The following SPMIP7 variants were observed in gnomAD, a reference collection of about 807,000 sequenced individuals.
The protein encoded by SPMIP7 is sperm microtubule inner protein 7.
the SPMIP7 span, among the ~76,000 whole-genome samples, chr7:50,112,520 A>C: frequency 3.4e-5 from 2 of 58,548 alleles, no homozygotes; most frequent in African/African-American, 1.1e-4. Flanking sequence ...CGAAAAGAAA[A>C]ATAAAAAAAT....
chr7:50,156,038 C>G, the SPMIP7 span, among the ~76,000 whole-genome samples: 12 of 152,184 alleles, frequency 7.9e-5, no homozygotes, highest in Middle Eastern at 3.2e-3. Context: ...GCCTTCTCCC[C>G]TAACAGCAGC....
the SPMIP7 span, among the ~76,000 whole-genome samples, chr7:50,113,263 C>T: frequency 2.0e-5 from 3 of 152,060 alleles, no homozygotes; most frequent in Non-Finnish European, 4.4e-5. Context: ...CAGCAACCAA[C>T]CAACAACTTA....
the SPMIP7 span, among the ~76,000 whole-genome samples, chr7:50,158,160 C>T: frequency 6.6e-6 from 1 of 151,514 alleles, no homozygotes; most frequent in Non-Finnish European, 1.5e-5. Flanking sequence ...GGCCCAGGAC[C>T]CCCACCCATG....
At chr7:50,123,131 G>A in the SPMIP7 span, among the ~76,000 whole-genome samples, 7 of 129,280 alleles carry the variant, frequency 5.4e-5, no homozygotes, top group South Asian at 7.6e-4. Flanking sequence ...TGTTTATTGC[G>A]GCACTATTCA....
At chr7:50,129,256 C>A in the SPMIP7 span, among the ~76,000 whole-genome samples, 1 of 151,788 alleles carries the variant, frequency 6.6e-6, no homozygotes, top group Non-Finnish European at 1.5e-5. Flanking sequence ...GGTAAAATAT[C>A]ATTGAAAATT....
the SPMIP7 span, among the ~76,000 whole-genome samples, chr7:50,130,353 A>T: frequency 6.6e-6 from 1 of 152,148 alleles, no homozygotes; most frequent in African/African-American, 2.4e-5. Flanking sequence ...TACGTCTTAT[A>T]TGGTGGCAAT....
At chr7:50,125,375 C>CATATAT in the SPMIP7 span, among the ~76,000 whole-genome samples, 14 of 87,764 alleles carry the variant, frequency 1.6e-4, no homozygotes, top group South Asian at 3.4e-4. Flanking sequence ...CATATATATA[C>CATATAT]ACATATACAC....
chr7:50,155,539 A>C, the SPMIP7 span, among the ~76,000 whole-genome samples: 1 of 152,112 alleles, frequency 6.6e-6, no homozygotes, highest in South Asian at 2.1e-4. Context: ...TTTTGTGCAC[A>C]ATCCATCTTC....
the SPMIP7 span, among the ~76,000 whole-genome samples, chr7:50,147,607 A>G: frequency 6.6e-6 from 1 of 152,198 alleles, no homozygotes; most frequent in South Asian, 2.1e-4. Flanking sequence ...TACAATACAT[A>G]TATTCTACGT....
the SPMIP7 span, among the ~76,000 whole-genome samples, chr7:50,114,355 C>T: frequency 2.0e-5 from 3 of 151,936 alleles, no homozygotes; most frequent in Non-Finnish European, 4.4e-5. Context: ...AATTGTGTGA[C>T]AGTAGTATAA....
At chr7:50,144,001 CTCTT>C in the SPMIP7 span, among the ~76,000 whole-genome samples, 1 of 152,074 alleles carries the variant, frequency 6.6e-6, no homozygotes, top group African/African-American at 2.4e-5. Context: ...CTTTATATGA[CTCTT>C]TCTTGATTTG....
At chr7:50,150,083 G>A in the SPMIP7 span, among the ~76,000 whole-genome samples, 2 of 152,088 alleles carry the variant, frequency 1.3e-5, no homozygotes, top group Non-Finnish European at 2.9e-5. Flanking sequence ...ATACTTTCAG[G>A]AGCAACTCCT....
the SPMIP7 span, among the ~76,000 whole-genome samples, chr7:50,122,895 A>G: frequency 6.6e-6 from 1 of 152,058 alleles, no homozygotes; most frequent in Non-Finnish European, 1.5e-5. Flanking sequence ...TAGAATGGCA[A>G]TCATTAAAAA....
the SPMIP7 span, among the ~76,000 whole-genome samples, chr7:50,135,661 C>T: frequency 7.9e-5 from 12 of 152,196 alleles, 1 homozygote; most frequent in Admixed American, 7.2e-4. Context: ...CATTCCTTGC[C>T]GTTAAATTCT....
the SPMIP7 span, among the ~76,000 whole-genome samples, chr7:50,136,813 G>T: frequency 0.82 from 124,754 of 152,062 alleles, 51,232 homozygotes; most frequent in East Asian, 0.92. Context: ...ATTTTTGCTC[G>T]TAACACAACC....
At chr7:50,114,267 T>C in the SPMIP7 span, among the ~76,000 whole-genome samples, 1 of 152,146 alleles carries the variant, frequency 6.6e-6, no homozygotes, top group African/African-American at 2.4e-5. Flanking sequence ...ATTTTTCATC[T>C]TGGAGTTCTT....
chr7:50,109,682 T>G, the SPMIP7 span, among the ~76,000 whole-genome samples: 32 of 152,136 alleles, frequency 2.1e-4, no homozygotes, highest in African/African-American at 7.7e-4. Context: ...GCCAACACTA[T>G]TTTAAAATAA....
At chr7:50,158,948 C>T in the SPMIP7 span, 2 of 1,299,924 alleles carry the variant, frequency 1.5e-6, no homozygotes, top group Non-Finnish European at 2.1e-6. Context: ...CGCTCCCCTC[C>T]CCTTCCCGCA....
chr7:50,096,682 G>A, the SPMIP7 span: 1 of 1,423,690 alleles, frequency 7.0e-7, no homozygotes, highest in East Asian at 2.5e-5. Context: ...AATGCTCAAG[G>A]GAAGAGAGTA....
Sources: gnomAD v4.1 joint callset for allele counts (sites outside exome capture counted in the v4.1 genomes callset) on GRCh38, gnomAD v4.1.1 for gene constraint, MANE v1.5 for transcripts, NCBI Gene and HGNC (gene_info 2026-07-23, HGNC 2026-07-21) for gene names.